The following COL25A1 variants were observed in gnomAD, a reference collection of about 807,000 sequenced individuals.
COL25A1 encodes the protein collagen type XXV alpha 1 chain, also known as collagen alpha-1(XXV) chain.
A neutral mutation model predicts 128.4 loss-of-function variants in COL25A1; 103 were observed. The ratio of observed to expected loss-of-function variants is 0.80; its 90% CI spans 0.68 to 0.94. COL25A1 has a LOEUF of 0.94. Among genes scored for constraint, COL25A1 ranks in the 40% least tolerant of loss-of-function variants. The pLI is 0.00. For synonymous variants in COL25A1, 279 were observed against 277.2 expected, an observed-to-expected ratio of 1.01 and a Z score of -0.06; for missense variants, 745 against 840.0, an observed-to-expected ratio of 0.89 and a Z score of 1.40.
chr4:109,098,672 T>C (rs540863095), intron 3 of COL25A1, among the ~76,000 whole-genome samples: 1 of 152,342 alleles, frequency 6.6e-6, no homozygotes, highest in Admixed American at 6.5e-5. Flanking sequence ...TAGTATTCTT[T>C]ACTCAGTTTA....
intron 19 of COL25A1, among the ~76,000 whole-genome samples, chr4:108,879,950 A>C (rs1445779141): frequency 1.3e-5 from 2 of 151,402 alleles, no homozygotes; most frequent in Non-Finnish European, 2.9e-5. Flanking sequence ...CTGGGACTAC[A>C]ACTGCCTGCC....
intron 5 of COL25A1, among the ~76,000 whole-genome samples, chr4:109,029,487 C>A (rs1055545833): frequency 3.3e-5 from 5 of 152,032 alleles, no homozygotes; most frequent in African/African-American, 1.2e-4. Flanking sequence ...TGTTGAGAGA[C>A]CAAATTTATA....
intron 11 of COL25A1, among the ~76,000 whole-genome samples, chr4:108,935,984 C>A (rs1747357509): frequency 6.6e-6 from 1 of 152,120 alleles, no homozygotes. Flanking sequence ...CAAACAAAGG[C>A]TCCTGAGAAG....
intron 3 of COL25A1, among the ~76,000 whole-genome samples, chr4:109,282,700 G>A (rs142034731): frequency 2.0e-5 from 3 of 152,252 alleles, no homozygotes; most frequent in African/African-American, 4.8e-5. Flanking sequence ...TTCTTTCCCT[G>A]GCTAATGTGC....
chr4:109,055,288 T>A (rs1761355448), intron 3 of COL25A1, among the ~76,000 whole-genome samples: 1 of 152,176 alleles, frequency 6.6e-6, no homozygotes, highest in African/African-American at 2.4e-5. Flanking sequence ...AGCCAAAGGT[T>A]TTCATGCTCT....
chr4:109,228,024 G>A (rs540981774), intron 3 of COL25A1, among the ~76,000 whole-genome samples: 1 of 152,258 alleles, frequency 6.6e-6, no homozygotes, highest in South Asian at 2.1e-4. Context: ...GGAGTCCAAA[G>A]GGCAGCAGGC....
intron 3 of COL25A1, among the ~76,000 whole-genome samples, chr4:109,075,422 AAAGAC>A (rs1330257440): frequency 1.3e-5 from 2 of 152,154 alleles, no homozygotes; most frequent in Admixed American, 6.6e-5. Context: ...ACTTGGAATT[AAAGAC>A]AAGACATGAC....
chr4:108,860,827 G>T (rs778084480), intron 23 of COL25A1, 100 bp downstream of exon 23: 211 of 968,600 alleles, frequency 2.2e-4, no homozygotes, highest in Non-Finnish European at 3.0e-4. Context: ...CTATTATTAA[G>T]TATTATTAAT....
intron 8 of COL25A1, chr4:108,942,067 C>G (rs1748172967): frequency 1.4e-6 from 1 of 705,156 alleles, no homozygotes. Context: ...CTCAATGATG[C>G]AAGTGGGGTC....
chr4:108,963,455 T>C (rs551956462), intron 8 of COL25A1, among the ~76,000 whole-genome samples: 7 of 152,288 alleles, frequency 4.6e-5, no homozygotes, highest in South Asian at 2.1e-4. Context: ...ATACAGGTTT[T>C]AGTATATTTA....
intron 3 of COL25A1, among the ~76,000 whole-genome samples, chr4:109,058,999 C>G (rs1054677716): frequency 6.6e-6 from 1 of 152,032 alleles, no homozygotes; most frequent in Admixed American, 6.6e-5. Context: ...GAAATAAGCA[C>G]GAAGGCACAG....
chr4:109,079,820 G>C lies in COL25A1; in HGVS notation c.368-29641C>G, dbSNP rs565884734. On this transcript the variant is annotated intron_variant, in intron 3 of 37. Transcript: ENST00000399132. ...TAAGAGTTCAAGCGAGTTAAAACTG[G>C]TGCTGTTTTGAGAAATTCATCATAT... is the stretch of plus-strand genomic sequence containing the variant. 6.7e-5 allele frequency among the ~76,000 whole-genome samples: 9 copies of C among 133,810 alleles called. No homozygotes were observed. In the South Asian group the frequency reaches 2.1e-3, roughly 31 times the overall value. 87.8% of individuals were successfully genotyped at this position (133,810 alleles called of 152,430 possible).
At chr4:109,037,967 A>G (rs1759516559) in intron 5 of COL25A1, among the ~76,000 whole-genome samples, 1 of 152,232 alleles carries the variant, frequency 6.6e-6, no homozygotes, top group Non-Finnish European at 1.5e-5. Context: ...ATGAAAGCTG[A>G]ATCAAGGAAA....
intron 5 of COL25A1, among the ~76,000 whole-genome samples, chr4:109,038,649 T>C (rs1759576859): frequency 6.6e-6 from 1 of 152,208 alleles, no homozygotes; most frequent in South Asian, 2.1e-4. Flanking sequence ...CAAATGAGCA[T>C]TTTTGGATAC....
intron 28 of COL25A1, 28 bp downstream of exon 28, chr4:108,846,111 T>C: frequency 7.1e-7 from 1 of 1,418,014 alleles, no homozygotes; most frequent in Non-Finnish European, 1.0e-6. Flanking sequence ...ATATAAAAAG[T>C]ATAAACAAAC....
intron 5 of COL25A1, 78 bp downstream of exon 5, chr4:109,048,090 T>G (rs1760617812): frequency 1.4e-6 from 2 of 1,437,876 alleles, no homozygotes; most frequent in African/African-American, 2.8e-5. Flanking sequence ...AGAGACTATA[T>G]TTTGGTGTTT....
intron 3 of COL25A1, among the ~76,000 whole-genome samples, chr4:109,119,849 C>T (rs1260204398): frequency 1.3e-5 from 2 of 152,020 alleles, no homozygotes; most frequent in African/African-American, 4.8e-5. Context: ...GCCTATCAAT[C>T]AATATCTCTC....
chr4:108,827,027 G>A, intron 33 of COL25A1, 108 bp downstream of exon 33: 1 of 921,864 alleles, frequency 1.1e-6, no homozygotes, highest in Non-Finnish European at 1.7e-6. Flanking sequence ...GTGGATTGTT[G>A]TTTCTTCTCT....
chr4:109,044,904 A>G (rs186006254), intron 5 of COL25A1, among the ~76,000 whole-genome samples: 1 of 152,320 alleles, frequency 6.6e-6, no homozygotes, highest in African/African-American at 2.4e-5. Context: ...AAAAGAAGTG[A>G]AAGGAAAATA....
Sources: allele counts gnomAD v4.1 joint callset (sites outside exome capture counted in the v4.1 genomes callset), GRCh38; gene constraint gnomAD v4.1.1; transcripts MANE v1.5; gene names NCBI Gene and HGNC (gene_info 2026-07-23, HGNC 2026-07-21).